RNF213: variants seen among roughly 807,000 people sequenced by gnomAD.
RNF213 encodes the protein E3 ubiquitin-protein ligase RNF213.
In RNF213, 341 loss-of-function variants were observed where a neutral mutation model predicts 514.4. The observed-to-expected ratio is 0.66, with a 90% CI of 0.61 to 0.73. RNF213 has a LOEUF of 0.73. Ranked by LOEUF, RNF213 falls within the 30% of genes least tolerant of loss-of-function variation. The probability of loss-of-function intolerance (pLI) is 0.00; values close to 1 mark genes in which losing one functional copy is unlikely to be tolerated. For synonymous variants in RNF213, 2,655 were observed against 2,658.2 expected, an observed-to-expected ratio of 1.00 and a Z score of 0.04; for missense variants, 5,767 against 6,615.6, an observed-to-expected ratio of 0.87 and a Z score of 4.45.
At chr17:80,268,964 G>C (rs1466160029) in intron 2 of RNF213, among the ~76,000 whole-genome samples, 6 of 152,162 alleles carry the variant, frequency 3.9e-5, no homozygotes, top group Admixed American at 3.9e-4. Flanking sequence ...TCAGTCTGTG[G>C]CTGAAGACCC....
At chr17:80,379,790 G>A (rs767413935) in intron 55 of RNF213, 76 bp downstream of exon 55, 3 of 1,202,334 alleles carry the variant, frequency 2.5e-6, no homozygotes, top group African/African-American at 1.5e-5. Context: ...AGCTGATAAA[G>A]TGATACTCAA....
chr17:80,355,579 AGTGGGAATGGGGG>A (rs2078748344), intron 36 of RNF213, among the ~76,000 whole-genome samples: 3 of 67,256 alleles, frequency 4.5e-5, no homozygotes, highest in African/African-American at 1.2e-4. Flanking sequence ...AAGCGGGGTG[AGTGGGAATGGGGG>A]CTTACAGGGG....
chr17:80,332,720 G>C (rs545039758), intron 21 of RNF213, 89 bp downstream of exon 21: 10 of 1,404,062 alleles, frequency 7.1e-6, no homozygotes, highest in Non-Finnish European at 9.3e-6. Flanking sequence ...CTTTGAAAAG[G>C]GGGGCGGATG....
In RNF213 at chr17:80,369,472, C is replaced by T. The variant is rs372639743; in HGVS notation, c.12156-30C>T. On this transcript the variant is annotated intron_variant, in intron 44 of 67. Transcript: ENST00000582970. ...TAAGGAGGCATTTGGGAAACACCAT[C>T]CACCTGTCTTCTGTTTCTCGTGTTC... 7.0e-4 allele frequency: 1,120 copies of T among 1,603,130 alleles called. 1 individual carries two copies. Among genetic ancestry groups the T allele is most frequent in the Admixed American group, 1.3e-3 (79 of 60,000 alleles).
intron 3 of RNF213, chr17:80,278,892 T>C: frequency 6.5e-7 from 1 of 1,537,162 alleles, no homozygotes; most frequent in Non-Finnish European, 8.7e-7. Context: ...CCAGCGTGCC[T>C]TCTGCAGACT....
At chr17:80,355,413 A>AGGGGAAGAAG in intron 36 of RNF213, 2 of 219,512 alleles carry the variant, frequency 9.1e-6, no homozygotes, top group South Asian at 3.6e-5. Context: ...ATGGGGGCTC[A>AGGGGAAGAAG]CGGAGGAAGA....
In RNF213 at chr17:80,287,826, G is replaced by A; in HGVS notation, c.273G>A (p.Lys91=). ...ASWTVQESKK[K]KRKKKKKGNK... ...CTCTTTCTGTTTAGAGCAAAAAGAA[G>A]AAAAGGAAGAAGAAAAAGAAGGGGA... Residue 91 remains lysine, a synonymous_variant, in exon 4 of 68, where the codon AAG becomes AAA. Coordinates refer to ENST00000582970, the MANE Select transcript of RNF213 (RefSeq NM_001256071.3). 2 of 1,612,940 alleles carry A rather than the reference G, an allele frequency of 1.2e-6. No homozygotes were observed. The highest frequency in any genetic ancestry group is 1.3e-5 in the African/African-American group (1 of 74,956).
At chr17:80,279,672 T>G (rs562915486) in intron 3 of RNF213, among the ~76,000 whole-genome samples, 3 of 152,054 alleles carry the variant, frequency 2.0e-5, no homozygotes, top group Non-Finnish European at 4.4e-5. Context: ...TTTCACCATG[T>G]TGGCCAGGCT....
At position 80,353,832 on chromosome 17, in the gene RNF213, G is replaced by C; in HGVS notation, c.10578+166G>C. The C allele has an allele frequency of 8.3e-7, 1 of 1,203,738 alleles. No homozygotes were observed. Among genetic ancestry groups the C allele is most frequent in the Non-Finnish European group, 1.2e-6 (1 of 831,926 alleles). 74.6% of individuals were successfully genotyped at this position (1,203,738 alleles called of 1,614,324 possible). A position where few individuals can be genotyped will look rare whatever the true frequency, so the allele number is the denominator to read the frequency against. ...GTGACGGTCTTGTTGCTGGTTACTG[G>C]GGGTCAAGGGCATCTGCACCGGCAG... On this transcript the variant is annotated intron_variant, in intron 34 of 67. Coordinates refer to ENST00000582970, the MANE Select transcript of RNF213 (RefSeq NM_001256071.3). The surrounding 1 kb of genome is among the most constrained non-coding windows in gnomAD (Gnocchi z 5.0).
In RNF213 at chr17:80,288,218, G is replaced by A. The variant is rs2044548564; in HGVS notation, c.665G>A (p.Gly222Asp). 2 of 1,612,962 alleles carry A rather than the reference G, an allele frequency of 1.2e-6. No homozygotes were observed. Among genetic ancestry groups the A allele is most frequent in the South Asian group, 2.2e-5 (2 of 91,082 alleles). The change falls in exon 4 of 68, where the codon GGT (glycine) becomes GAT (aspartate). Residue 222 changes from glycine (G) to aspartate (D), a missense_variant. By Grantham distance (94) the Gly-to-Asp change is moderately conservative. Coordinates refer to ENST00000582970, the MANE Select transcript of RNF213 (RefSeq NM_001256071.3). The surrounding 1 kb of genome is among the most constrained non-coding windows in gnomAD (Gnocchi z 4.9). ...AGAGGCCTGTCCCAGGAGGGGACCG[G>A]TCCCCCCACCTCTGCTGGTGAAGGC... The part of the protein sequence containing the change: ...GGRGLSQEGT[G>D]PPTSAGEGHS...
rs751874525 is a variant in RNF213 at position 80,343,979 on chromosome 17, G to A, written c.6306G>A (p.Arg2102=). ...CHLYIVEILE[R]RTSVPSRSSS... ...TGTATATCGTTGAAATCCTGGAAAGGAGGACGTCAGTGCCGTCGAGGAGCT... is the reference window on the plus strand; with the variant it reads ...TGTATATCGTTGAAATCCTGGAAAGAAGGACGTCAGTGCCGTCGAGGAGCT... Residue 2102 remains arginine (R), a synonymous_variant, in exon 28 of 68, where the codon AGG becomes AGA. Coordinates refer to ENST00000582970, the MANE Select transcript of RNF213 (RefSeq NM_001256071.3). The surrounding 1 kb of genome is among the most constrained non-coding windows in gnomAD (Gnocchi z 4.3). 1 of 1,614,230 alleles carries A rather than the reference G, an allele frequency of 6.2e-7. No homozygotes were observed. Among genetic ancestry groups the A allele is most frequent in the East Asian group, 2.2e-5 (1 of 44,890 alleles).
rs1391871107 is a variant in RNF213, at chr17:80,376,932, G to A, written c.13479G>A (p.Arg4493=). The part of the protein sequence containing the change: ...MPEDLLAQAR[R]WKGLERVHWY... ...AAGACTTGCTGGCTCAAGCTCGGAG[G>A]TGGAAGGGTCTGGAGCGAGTCCACT... is the stretch of plus-strand genomic sequence containing the variant. The change falls in exon 53 of 68, where the codon AGG becomes AGA. Residue 4493 remains arginine, a synonymous_variant. Coordinates refer to ENST00000582970, the MANE Select transcript of RNF213 (RefSeq NM_001256071.3). 6.2e-7 allele frequency: 1 copy of A among 1,614,172 alleles called. No individual in the cohort carries two copies. Among genetic ancestry groups the A allele is most frequent in the South Asian group, 1.1e-5 (1 of 91,080 alleles).
intron 59 of RNF213, 194 bp from the exon 60 acceptor site, chr17:80,384,845 C>A: frequency 1.5e-6 from 1 of 660,672 alleles, no homozygotes; most frequent in Non-Finnish European, 2.7e-6. Context: ...CCCTCCATTT[C>A]TAGCACACTG....
rs868095008 is a variant in RNF213, at chr17:80,381,192, G to T, written c.13797+205G>T. The T allele has an allele frequency of 1.9e-5, 12 of 641,862 alleles. No individual in the cohort carries two copies. The South Asian group carries it at 2.2e-4, about 12-fold the overall frequency. The allele number at this position is 641,862 out of a possible 1,614,324, so 39.8% of individuals were successfully genotyped here. ...GGGGAACTACTCCCCAGATTATACA[G>T]AATCCACTTCAAATTAACACTCTGT... On this transcript the variant is annotated intron_variant, in intron 56 of 67. Transcript: ENST00000582970.
chr17:80,361,992 G>C (rs2079073409), intron 39 of RNF213, 104 bp downstream of exon 39: 1 of 1,344,894 alleles, frequency 7.4e-7, no homozygotes, highest in Non-Finnish European at 1.0e-6. Flanking sequence ...CTGGTGCTGT[G>C]AAGTCTGGGA....
At position 80,343,978 on chromosome 17, in the gene RNF213, G is replaced by A; in HGVS notation, c.6305G>A (p.Arg2102Lys). The change falls in exon 28 of 68, where the codon AGG (arginine) becomes AAG (lysine). Residue 2102 changes from arginine (R) to lysine (K), a missense_variant. Physicochemically the swap from Arg to Lys is conservative, Grantham distance 26. Coordinates refer to ENST00000582970, the MANE Select transcript of RNF213 (RefSeq NM_001256071.3). The surrounding 1 kb of genome is among the most constrained non-coding windows in gnomAD (Gnocchi z 4.3). Reference sequence around the variant, plus strand: ...TTGTATATCGTTGAAATCCTGGAAAGGAGGACGTCAGTGCCGTCGAGGAGC... The same window carrying A: ...TTGTATATCGTTGAAATCCTGGAAAAGAGGACGTCAGTGCCGTCGAGGAGC... ...CHLYIVEILE[R>K]RTSVPSRSSS... 6.2e-7 allele frequency: 1 copy of A among 1,614,220 alleles called. No individual in the cohort carries two copies. The highest frequency in any genetic ancestry group is 8.5e-7 in the Non-Finnish European group (1 of 1,180,046).
intron 64 of RNF213, 138 bp from the exon 65 acceptor site, chr17:80,389,035 T>C (rs2080353380): frequency 1.3e-6 from 1 of 781,684 alleles, no homozygotes; most frequent in African/African-American, 1.7e-5. Context: ...CTGCACACCG[T>C]GCGCCCAAGT....
At chr17:80,311,684 C>T (rs113778434) in intron 14 of RNF213, among the ~76,000 whole-genome samples, 1,597 of 152,326 alleles carry the variant, frequency 0.01, 26 homozygotes, top group African/African-American at 0.037. Context: ...CTCCCACTCT[C>T]GGGCAGCCCC....
chr17:80,377,853 G>T lies in RNF213; in HGVS notation c.13545+57G>T. On this transcript the variant is annotated intron_variant, in intron 54 of 67. Transcript: ENST00000582970. This position sits in a 1 kb window ranked among gnomAD's most constrained non-coding sequence, Gnocchi z 4.1. ...GGGTGGCGTGCACTCCTGGGTTGGA[G>T]GAGGGGGATCGTGGGTCAGGAGAGT... 6.3e-7 allele frequency: 1 copy of T among 1,594,064 alleles called. No homozygotes were observed. The highest frequency in any genetic ancestry group is 8.6e-7 in the Non-Finnish European group (1 of 1,161,866).
Sources: gnomAD v4.1 joint callset for allele counts (sites outside exome capture counted in the v4.1 genomes callset) on GRCh38, gnomAD v4.1.1 for gene constraint, Gnocchi (gnomAD v3.1) non-coding constraint, MANE v1.5 for transcripts, NCBI Gene and HGNC (gene_info 2026-07-23, HGNC 2026-07-21) for gene names.